The following SEPTIN7 variants were observed in gnomAD, a reference collection of about 807,000 sequenced individuals.
SEPTIN7 encodes septin-7.
A neutral mutation model predicts 63.3 loss-of-function variants in SEPTIN7; 10 were observed. The ratio of observed to expected loss-of-function variants is 0.16; its 90% CI spans 0.10 to 0.27. The LOEUF (loss-of-function observed/expected upper bound fraction) is 0.27. Among genes scored for constraint, SEPTIN7 ranks in the 10% least tolerant of loss-of-function variants. The probability of loss-of-function intolerance (pLI) is 1.00; values close to 1 mark genes in which losing one functional copy is unlikely to be tolerated. For synonymous variants in SEPTIN7, 131 were observed against 165.3 expected, an observed-to-expected ratio of 0.79 and a Z score of 1.59; for missense variants, 310 against 521.0, an observed-to-expected ratio of 0.59 and a Z score of 3.94.
chr7:35,880,988 C>T (rs1227662778), intron 7 of SEPTIN7, among the ~76,000 whole-genome samples: 1 of 152,004 alleles, frequency 6.6e-6, no homozygotes, highest in East Asian at 1.9e-4. Context: ...ACCACAGCAG[C>T]TTTATATAAT....
chr7:35,801,087 C>G lies in SEPTIN7; in HGVS notation c.-123C>G, dbSNP rs542359569. 1.4e-6 allele frequency: 1 copy of G among 689,808 alleles called. No individual in the cohort carries two copies. Among genetic ancestry groups the G allele is most frequent in the South Asian group, 2.4e-5 (1 of 42,552 alleles). The allele number at this position is 689,808 out of a possible 1,614,324, so 42.7% of individuals were successfully genotyped here. A position where few individuals can be genotyped will look rare whatever the true frequency, so the allele number is the denominator to read the frequency against. The stretch of plus-strand genomic sequence containing the variant: ...AGCGAGAGCCTGTGGAGGAGTCCGC[C>G]TGCTGTAGCGTGCGTAAGCAAGGCA... On this transcript the variant is annotated 5_prime_UTR_variant, in exon 1 of 14. Transcript: ENST00000350320.
At chr7:35,801,434 G>A (rs1445102530) in intron 1 of SEPTIN7, among the ~76,000 whole-genome samples, 164 bp downstream of exon 1, 1 of 152,018 alleles carries the variant, frequency 6.6e-6, no homozygotes, top group African/African-American at 2.4e-5. Context: ...CGGCAGCGGC[G>A]GGCTCGGGGG....
At chr7:35,823,812 T>C (rs1257527385) in intron 1 of SEPTIN7, among the ~76,000 whole-genome samples, 2 of 152,202 alleles carry the variant, frequency 1.3e-5, no homozygotes, top group Non-Finnish European at 2.9e-5. Flanking sequence ...TCTATTCTTA[T>C]GGTTGCTGTT....
chr7:35,867,940 C>G (rs950025314), intron 4 of SEPTIN7, among the ~76,000 whole-genome samples: 1 of 151,378 alleles, frequency 6.6e-6, no homozygotes, highest in African/African-American at 2.4e-5. Flanking sequence ...GGTGTGATCT[C>G]AAGCTTACTG....
intron 10 of SEPTIN7, among the ~76,000 whole-genome samples, chr7:35,888,220 A>G (rs960378529): frequency 9.9e-5 from 15 of 152,212 alleles, no homozygotes; most frequent in African/African-American, 3.6e-4. Flanking sequence ...TAATTAACAA[A>G]TTATTTTGAG....
At chr7:35,817,833 G>A (rs1789173907) in intron 1 of SEPTIN7, among the ~76,000 whole-genome samples, 1 of 150,546 alleles carries the variant, frequency 6.6e-6, no homozygotes, top group African/African-American at 2.4e-5. Context: ...TTATAGAAAT[G>A]CAATTGATTT....
intron 1 of SEPTIN7, among the ~76,000 whole-genome samples, chr7:35,821,756 C>A (rs1789422841): frequency 1.3e-5 from 2 of 152,156 alleles, no homozygotes; most frequent in Non-Finnish European, 2.9e-5. Context: ...TCACCCAGTA[C>A]TGGGCACTAG....
At chr7:35,911,626 A>G (rs1788743073), downstream of SEPTIN7, among the ~76,000 whole-genome samples, 1 of 152,252 alleles carries the variant, frequency 6.6e-6, no homozygotes. Flanking sequence ...AAACGGCCAG[A>G]TGGTACATAT....
chr7:35,907,642 C>G (rs372724090), downstream of SEPTIN7, among the ~76,000 whole-genome samples: 12 of 152,244 alleles, frequency 7.9e-5, 1 homozygote, highest in Middle Eastern at 0.014. Context: ...TTGCAAGTAC[C>G]TGGTCTGCTA....
chr7:35,849,154 C>A (rs1403130168), intron 3 of SEPTIN7, among the ~76,000 whole-genome samples: 2 of 152,026 alleles, frequency 1.3e-5, no homozygotes, highest in African/African-American at 4.8e-5. Flanking sequence ...TAAAGGATAC[C>A]CTAATAGATT....
intron 3 of SEPTIN7, among the ~76,000 whole-genome samples, chr7:35,833,318 A>C (rs559612912): frequency 1.9e-3 from 290 of 152,160 alleles, no homozygotes; most frequent in African/African-American, 6.8e-3. Context: ...AGAGGATCAT[A>C]ATAATGTAGT....
At chr7:35,883,203 C>A (rs561365483) in intron 8 of SEPTIN7, among the ~76,000 whole-genome samples, 1 of 151,800 alleles carries the variant, frequency 6.6e-6, no homozygotes, top group Non-Finnish European at 1.5e-5. Flanking sequence ...ACAATAAAAA[C>A]CAACCAAAAA....
intron 3 of SEPTIN7, among the ~76,000 whole-genome samples, chr7:35,861,080 C>G (rs1192277176): frequency 6.6e-6 from 1 of 151,808 alleles, no homozygotes; most frequent in African/African-American, 2.4e-5. Flanking sequence ...TTTCTTTTGC[C>G]TACTCAGTTC....
chr7:35,808,659 T>C (rs1334676444), intron 1 of SEPTIN7, among the ~76,000 whole-genome samples: 2 of 152,184 alleles, frequency 1.3e-5, no homozygotes, highest in African/African-American at 4.8e-5. Context: ...TGCCCTAACA[T>C]AGTAGAAGGA....
chr7:35,845,591 G>A (rs1393499973), intron 3 of SEPTIN7, among the ~76,000 whole-genome samples: 1 of 152,200 alleles, frequency 6.6e-6, no homozygotes, highest in Non-Finnish European at 1.5e-5. Context: ...TAGCTGAGTA[G>A]CTTAGATTCT....
intron 3 of SEPTIN7, 30 bp downstream of exon 3, chr7:35,832,930 C>T (rs1475680909): frequency 1.5e-6 from 2 of 1,318,034 alleles, no homozygotes; most frequent in Middle Eastern, 1.9e-4. Context: ...TAAAATGGAA[C>T]TTTGGTTTAA....
At chr7:35,818,690 T>A (rs1244684012) in intron 1 of SEPTIN7, among the ~76,000 whole-genome samples, 1 of 152,036 alleles carries the variant, frequency 6.6e-6, no homozygotes, top group East Asian at 1.9e-4. Flanking sequence ...CTTGAGTCAG[T>A]TTTGGTAGTT....
intron 8 of SEPTIN7, 145 bp downstream of exon 8, chr7:35,882,721 A>G (rs185041794): frequency 4.3e-6 from 3 of 690,666 alleles, no homozygotes; most frequent in South Asian, 6.1e-5. Flanking sequence ...ATTCAACTTT[A>G]TAGTTAACTT....
chr7:35,842,348 GAAA>G (rs35707107), intron 3 of SEPTIN7, among the ~76,000 whole-genome samples: 11 of 143,600 alleles, frequency 7.7e-5, no homozygotes, highest in Non-Finnish European at 1.4e-4. Context: ...CTTTGTTTTT[GAAA>G]AAAAAAAAAC....
Sources: allele counts gnomAD v4.1 joint callset (sites outside exome capture counted in the v4.1 genomes callset), GRCh38; gene constraint gnomAD v4.1.1; transcripts MANE v1.5; gene names NCBI Gene and HGNC (gene_info 2026-07-23, HGNC 2026-07-21).